DUSP29: variants seen among roughly 807,000 people sequenced by gnomAD.
DUSP29 encodes dual specificity phosphatase 29.
In DUSP29, 12 loss-of-function variants were observed where a neutral mutation model predicts 13.5. That is an observed-to-expected ratio of 0.89 (90% CI 0.57 to 1.44). The LOEUF is 1.44. Ranked by LOEUF, DUSP29 falls within the 40% of genes most tolerant of loss-of-function variation. The probability of loss-of-function intolerance (pLI) is 0.00; values close to 1 mark genes in which losing one functional copy is unlikely to be tolerated. For missense variants in DUSP29, 308 were observed against 301.1 expected (o/e 1.02, Z -0.17); for synonymous variants, 134 against 128.7 (o/e 1.04, Z -0.28).
At chr10:75,066,025 C>T (rs867492964) in intron 1 of DUSP29, among the ~76,000 whole-genome samples, 2 of 152,122 alleles carry the variant, frequency 1.3e-5, no homozygotes, top group African/African-American at 4.8e-5. Context: ...GCCACTTTGG[C>T]CTATTTGAGG....
chr10:75,058,997 G>A (rs1352029744), intron 1 of DUSP29, among the ~76,000 whole-genome samples: 2 of 152,152 alleles, frequency 1.3e-5, no homozygotes, highest in Non-Finnish European at 2.9e-5. Context: ...GCAGGGAGCC[G>A]TCAGCCAGTG....
chr10:75,058,419 G>GTCC lies in DUSP29; in HGVS notation c.93_95dup (p.Glu31dup), dbSNP rs755580263. On this transcript the variant is annotated inframe_insertion, in exon 2 of 4. Transcript: ENST00000338487. ...GCTCAAAGGCTCCAGGGGTGCAGTA[G>GTCC]TCCTCCTCCTCCCCTTCCTCCTCCA... 9.9e-6 allele frequency: 16 copies of GTCC among 1,614,104 alleles called. No individual in the cohort carries two copies. Among genetic ancestry groups the GTCC allele is most frequent in the Non-Finnish European group, 1.2e-5 (14 of 1,180,042 alleles).
intron 3 of DUSP29, among the ~76,000 whole-genome samples, chr10:75,041,709 C>A (rs972959494): frequency 6.6e-6 from 1 of 152,206 alleles, no homozygotes; most frequent in Non-Finnish European, 1.5e-5. Flanking sequence ...GCCATCTGGT[C>A]GAGTCCCGGC....
At chr10:75,067,677 G>A (rs553232689) in intron 1 of DUSP29, among the ~76,000 whole-genome samples, 6 of 152,170 alleles carry the variant, frequency 3.9e-5, no homozygotes, top group African/African-American at 1.4e-4. Flanking sequence ...AGCCAGGGAG[G>A]TCTCTGCCTT....
chr10:75,040,977 C>T (rs1456161609), intron 3 of DUSP29, among the ~76,000 whole-genome samples: 2 of 152,110 alleles, frequency 1.3e-5, no homozygotes, highest in African/African-American at 4.8e-5. Context: ...TGTGAGAAGC[C>T]AGGTAGGGGG....
chr10:75,067,065 C>G (rs1847219776), intron 1 of DUSP29, among the ~76,000 whole-genome samples: 1 of 148,470 alleles, frequency 6.7e-6, no homozygotes, highest in African/African-American at 2.5e-5. Context: ...TCAAGCAATT[C>G]TCCTGCCTCA....
At chr10:75,039,647 C>T (rs1846544530) in intron 3 of DUSP29, among the ~76,000 whole-genome samples, 2 of 152,214 alleles carry the variant, frequency 1.3e-5, no homozygotes, top group South Asian at 4.1e-4. Flanking sequence ...ACGCTCCGCC[C>T]CGCAGCCAGG....
chr10:75,061,478 T>C (rs1847086144), intron 1 of DUSP29, among the ~76,000 whole-genome samples: 2 of 152,216 alleles, frequency 1.3e-5, no homozygotes, highest in Admixed American at 1.3e-4. Context: ...CAGAGTCACC[T>C]GGCACTAACC....
intron 1 of DUSP29, among the ~76,000 whole-genome samples, chr10:75,060,025 T>C (rs1847052966): frequency 1.3e-5 from 2 of 151,784 alleles, no homozygotes; most frequent in Admixed American, 1.3e-4. Context: ...CCGGGTGTAG[T>C]GGCGGGTGCC....
intron 1 of DUSP29, among the ~76,000 whole-genome samples, chr10:75,062,018 T>C (rs1847098394): frequency 6.6e-6 from 1 of 152,112 alleles, no homozygotes; most frequent in Non-Finnish European, 1.5e-5. Flanking sequence ...CCCCCACGGG[T>C]GGTCATTCAG....
intron 1 of DUSP29, among the ~76,000 whole-genome samples, chr10:75,068,793 T>C (rs1847257634): frequency 6.6e-6 from 1 of 152,188 alleles, no homozygotes; most frequent in Admixed American, 6.5e-5. Flanking sequence ...ATTTTTAACT[T>C]AGTACAAGTT....
intron 2 of DUSP29, among the ~76,000 whole-genome samples, chr10:75,055,023 G>A (rs1846928336): frequency 6.6e-6 from 1 of 152,000 alleles, no homozygotes; most frequent in African/African-American, 2.4e-5. Flanking sequence ...AAAATTTTTG[G>A]TAGAGATGGT....
chr10:75,047,906 GT>G (rs199540230), intron 2 of DUSP29, among the ~76,000 whole-genome samples: 5 of 151,066 alleles, frequency 3.3e-5, no homozygotes, highest in Admixed American at 1.3e-4. Context: ...TTATAGAAAG[GT>G]TTTTTTTTGG....
Position 75,043,547 on chromosome 10 carries a change from T to C in DUSP29, c.421+250A>G, listed in dbSNP as rs887746609. On this transcript the variant is annotated intron_variant, in intron 3 of 3. Transcript: ENST00000338487. Reference sequence around the variant, plus strand: ...TGCAGGTCCTTAAACCTTCACAGCTTCCAGGGGCTCGGACCTTTACCCTCG... The same window carrying C: ...TGCAGGTCCTTAAACCTTCACAGCTCCCAGGGGCTCGGACCTTTACCCTCG... Among the ~76,000 whole-genome samples, 29 of 152,114 alleles carry C rather than the reference T, an allele frequency of 1.9e-4. 1 individual carries two copies. Among genetic ancestry groups the C allele is most frequent in the African/African-American group, 1.7e-4 (7 of 41,420 alleles).
chr10:75,060,692 T>C (rs367988264), intron 1 of DUSP29, among the ~76,000 whole-genome samples: 2 of 152,090 alleles, frequency 1.3e-5, no homozygotes, highest in Admixed American at 6.6e-5. Context: ...ACCTGATGAG[T>C]TGCTGCATCC....
rs1190502896 is a variant in DUSP29 at position 75,044,010 on chromosome 10, CCGTCG to C, written c.203_207del (p.Ala68GlyfsTer6). The C allele has an allele frequency of 2.5e-6, 4 of 1,609,368 alleles. No homozygotes were observed. The highest frequency in any genetic ancestry group is 3.4e-6 in the Non-Finnish European group (4 of 1,178,614). ...TTCTGCAGCCTATAGCGGTCCAGCG[CCGTCG>C]CCCTGGGCGCAGGGGAGAGAAATCT... On this transcript the variant is annotated frameshift_variant and splice_region_variant, in exon 3 of 4. Coordinates refer to ENST00000338487, the MANE Select transcript of DUSP29 (RefSeq NM_001003892.3). LOFTEE classifies it high-confidence loss of function.
chr10:75,054,164 C>G (rs1435674455), intron 2 of DUSP29, among the ~76,000 whole-genome samples: 1 of 152,050 alleles, frequency 6.6e-6, no homozygotes, highest in Non-Finnish European at 1.5e-5. Context: ...ACATGAGGTG[C>G]AGGGAAAGAC....
chr10:75,061,427 C>T (rs955660265), intron 1 of DUSP29, among the ~76,000 whole-genome samples: 3 of 152,122 alleles, frequency 2.0e-5, no homozygotes, highest in Non-Finnish European at 2.9e-5. Context: ...GGGGACCCTC[C>T]TGTGAAGTCT....
chr10:75,060,945 T>C (rs149882237), intron 1 of DUSP29, among the ~76,000 whole-genome samples: 112 of 152,294 alleles, frequency 7.4e-4, no homozygotes, highest in African/African-American at 2.6e-3. Flanking sequence ...ATAAATAATA[T>C]AATGTTGGGG....
Sources: gnomAD v4.1 joint callset for allele counts (sites outside exome capture counted in the v4.1 genomes callset) on GRCh38, gnomAD v4.1.1 for gene constraint, MANE v1.5 for transcripts, NCBI Gene and HGNC (gene_info 2026-07-23, HGNC 2026-07-21) for gene names.